Variants in GAB1 observed in about 807,000 individuals in gnomAD.
GAB1 encodes GRB2 associated binding protein 1, also known as GRB2-associated-binding protein 1.
In GAB1, 19 loss-of-function variants were observed where a neutral mutation model predicts 66.5. The observed-to-expected ratio is 0.29, with a 90% CI of 0.20 to 0.42. GAB1 has a LOEUF of 0.42. Among genes scored for constraint, GAB1 ranks in the 10% least tolerant of loss-of-function variants. The pLI is 1.00. For missense variants in GAB1, 732 were observed against 858.5 expected (o/e 0.85, Z 1.84); for synonymous variants, 294 against 301.4 (o/e 0.98, Z 0.25).
intron 2 of GAB1, among the ~76,000 whole-genome samples, chr4:143,423,870 T>C (rs1733183563): frequency 7.2e-6 from 1 of 138,902 alleles, no homozygotes; most frequent in Admixed American, 7.6e-5. Context: ...ATATTTTTTT[T>C]TTAAAAAAAA....
chr4:143,415,236 T>C (rs1732618246), intron 1 of GAB1, among the ~76,000 whole-genome samples: 1 of 152,240 alleles, frequency 6.6e-6, no homozygotes, highest in African/African-American at 2.4e-5. Context: ...CAATATTATA[T>C]AGTAGGAGAT....
At chr4:143,352,405 G>A (rs1461991242) in intron 1 of GAB1, among the ~76,000 whole-genome samples, 1 of 152,174 alleles carries the variant, frequency 6.6e-6, no homozygotes. Flanking sequence ...ATTTTAGAAG[G>A]AAGGCAAATA....
At chr4:143,398,446 A>G (rs1036165459) in intron 1 of GAB1, among the ~76,000 whole-genome samples, 2 of 152,196 alleles carry the variant, frequency 1.3e-5, no homozygotes, top group African/African-American at 4.8e-5. Context: ...AATTGCCTCT[A>G]CAAATCATTT....
chr4:143,389,275 C>A (rs145584610), intron 1 of GAB1, among the ~76,000 whole-genome samples: 1 of 152,146 alleles, frequency 6.6e-6, no homozygotes, highest in African/African-American at 2.4e-5. Context: ...CAAATACTTG[C>A]GTATGCTGGA....
At chr4:143,409,284 G>T (rs1732230501) in intron 1 of GAB1, among the ~76,000 whole-genome samples, 1 of 152,160 alleles carries the variant, frequency 6.6e-6, no homozygotes, top group Non-Finnish European at 1.5e-5. Context: ...GCCATCTGTG[G>T]AGGTGAGAGA....
intron 1 of GAB1, among the ~76,000 whole-genome samples, chr4:143,368,517 T>G (rs972583537): frequency 6.6e-6 from 1 of 152,224 alleles, no homozygotes; most frequent in African/African-American, 2.4e-5. Context: ...ACTACAAATA[T>G]GCCTAATTTT....
At position 143,378,250 on chromosome 4, in the gene GAB1, C is replaced by T. The variant is rs185799720; in HGVS notation, c.73-37227C>T. 2.8e-3 allele frequency among the ~76,000 whole-genome samples: 429 copies of T among 152,290 alleles called. 1 individual carries two copies. Among genetic ancestry groups the T allele is most frequent in the Non-Finnish European group, 4.9e-3 (333 of 68,028 alleles). On this transcript the variant is annotated intron_variant, in intron 1 of 9. Transcript: ENST00000262994. Reference sequence around the variant, plus strand: ...CTTGGTGGTGTGGTAGAAGAACTCCCAGCAGACCTGAAGATGTAGCAGATG... The same window carrying T: ...CTTGGTGGTGTGGTAGAAGAACTCCTAGCAGACCTGAAGATGTAGCAGATG...
chr4:143,457,810 A>G (rs1337830004), intron 6 of GAB1: 17 of 1,013,090 alleles, frequency 1.7e-5, no homozygotes, highest in Non-Finnish European at 2.5e-5. Context: ...GGCATTGGGA[A>G]TTTATTTTGT....
At chr4:143,425,588 T>A (rs867287040) in intron 2 of GAB1, 1 of 762,812 alleles carries the variant, frequency 1.3e-6, no homozygotes, top group African/African-American at 1.7e-5. Context: ...CTCGGGAAGT[T>A]CTGCGCGTGC....
rs1327647233 is a variant in GAB1, at chr4:143,440,643, G to A, written c.1585+261G>A. Among the ~76,000 whole-genome samples the A allele has an allele frequency of 2.0e-5, 3 of 152,258 alleles. No homozygotes were observed. The South Asian group carries it at 6.2e-4, about 32-fold the overall frequency. ...AGCTGAAATACTCACGGGGTGAGCG[G>A]ACAACTGGGGAGAATTAGAAGAAAC... is the stretch of plus-strand genomic sequence containing the variant. On this transcript the variant is annotated intron_variant, in intron 6 of 9. Coordinates refer to ENST00000262994, the MANE Select transcript of GAB1 (RefSeq NM_002039.4).
chr4:143,397,215 G>A (rs1309295837), intron 1 of GAB1, among the ~76,000 whole-genome samples: 2 of 152,100 alleles, frequency 1.3e-5, no homozygotes, highest in Non-Finnish European at 2.9e-5. Context: ...AAGACAAGAT[G>A]CTACCAAAAC....
Position 143,440,265 on chromosome 4 carries a change from C to T in GAB1, c.1468C>T (p.Pro490Ser). 1.2e-6 allele frequency: 2 copies of T among 1,614,102 alleles called. No individual in the cohort carries two copies. The highest frequency in any genetic ancestry group is 1.7e-6 in the Non-Finnish European group (2 of 1,179,994). ...FDFSSFGMQVPPPAHMGFRSS... is the reference protein window; with the variant it reads ...FDFSSFGMQVSPPAHMGFRSS... ...TTTTTCCTCATTTGGAATGCAAGTTCCTCCTCCTGCTCATATGGGCTTCAG... is the reference window on the plus strand; with the variant it reads ...TTTTTCCTCATTTGGAATGCAAGTTTCTCCTCCTGCTCATATGGGCTTCAG... Residue 490 changes from proline to serine, a missense_variant, in exon 6 of 10, where the codon CCT becomes TCT. Pro to Ser is a moderately conservative substitution (Grantham distance 74). Transcript: ENST00000262994.
Position 143,438,213 on chromosome 4 carries a change from T to A in GAB1, c.808T>A (p.Leu270Ile). 6.2e-7 allele frequency: 1 copy of A among 1,614,114 alleles called. No individual in the cohort carries two copies. The highest frequency in any genetic ancestry group is 8.5e-7 in the Non-Finnish European group (1 of 1,180,016). The change falls in exon 4 of 10, where the codon TTA (leucine) becomes ATA (isoleucine). Residue 270 changes from leucine (L) to isoleucine (I), a missense_variant. Physicochemically the swap from Leu to Ile is conservative, Grantham distance 5. This residue lies in a region of GAB1 where 427 missense variants were observed against 420.6 expected (regional missense o/e 1.02). Transcript: ENST00000262994. Reference sequence around the variant, plus strand: ...GCCCAGGAGTTATTCCCATGATGTTTTACCAAAGGTGTCTCCATCAAGTAC... The same window carrying A: ...GCCCAGGAGTTATTCCCATGATGTTATACCAAAGGTGTCTCCATCAAGTAC... ...NLPRSYSHDV[L>I]PKVSPSSTEA...
chr4:143,427,594 T>A (rs576024494), intron 2 of GAB1, among the ~76,000 whole-genome samples: 1 of 151,960 alleles, frequency 6.6e-6, no homozygotes, highest in African/African-American at 2.4e-5. Flanking sequence ...CATGTCAGGC[T>A]TCTGTGTTCC....
At chr4:143,431,330 C>T (rs1313085884) in intron 2 of GAB1, among the ~76,000 whole-genome samples, 2 of 152,080 alleles carry the variant, frequency 1.3e-5, no homozygotes, top group Non-Finnish European at 2.9e-5. Flanking sequence ...CCCTCTCATG[C>T]AAGAATTAAG....
chr4:143,441,253 C>T (rs533639833), intron 6 of GAB1, among the ~76,000 whole-genome samples: 3 of 152,148 alleles, frequency 2.0e-5, no homozygotes, highest in Non-Finnish European at 2.9e-5. Context: ...ATTTGTTGCA[C>T]CATGCTGTTA....
intron 6 of GAB1, among the ~76,000 whole-genome samples, chr4:143,446,337 T>C (rs1734531244): frequency 6.6e-6 from 1 of 152,230 alleles, no homozygotes; most frequent in Non-Finnish European, 1.5e-5. Flanking sequence ...TCAAATGGTA[T>C]TGCTAGTTCC....
intron 1 of GAB1, among the ~76,000 whole-genome samples, chr4:143,347,465 A>G (rs1361572628): frequency 6.6e-6 from 1 of 152,208 alleles, no homozygotes; most frequent in Non-Finnish European, 1.5e-5. Context: ...AGGGAATGAA[A>G]ATAAGCCTAA....
chr4:143,413,694 A>G (rs1328538734), intron 1 of GAB1, among the ~76,000 whole-genome samples: 1 of 151,962 alleles, frequency 6.6e-6, no homozygotes, highest in Non-Finnish European at 1.5e-5. Context: ...CAATTAGTCA[A>G]TTCTTTGAAG....
Sources: allele counts gnomAD v4.1 joint callset (sites outside exome capture counted in the v4.1 genomes callset), GRCh38; gene constraint gnomAD v4.1.1; regional missense constraint gnomAD v4.1.1; transcripts MANE v1.5; gene names NCBI Gene and HGNC (gene_info 2026-07-23, HGNC 2026-07-21).